Variants in LNX1 observed in about 807,000 individuals in gnomAD.
LNX1 encodes the protein E3 ubiquitin-protein ligase LNX.
LNX1 carries 54 observed loss-of-function variants against 68.4 expected under a neutral mutation model. The observed-to-expected ratio is 0.79, with a 90% CI of 0.63 to 0.99. LNX1 has a LOEUF of 0.99. Among genes scored for constraint, LNX1 ranks in the 50% least tolerant of loss-of-function variants. LNX1 has a pLI of 0.00. For synonymous variants in LNX1, 336 were observed against 350.0 expected (o/e 0.96, Z 0.45); for missense variants, 906 against 926.4 (o/e 0.98, Z 0.29).
At position 53,485,271 on chromosome 4, in the gene LNX1, T is replaced by A. The variant is rs144318358; in HGVS notation, c.1351-3417A>T. On this transcript the variant is annotated intron_variant, in intron 6 of 10. Transcript: ENST00000263925. ...TTTGCTCTCTTTGGGGAAACTCCGA[T>A]GTTTTGAAGGATCCCAGCAGAGTGT... Among the ~76,000 whole-genome samples the A allele has an allele frequency of 1.4e-4, 21 of 152,342 alleles. No individual in the cohort carries two copies. The East Asian group carries it at 4.0e-3, about 29-fold the overall frequency.
chr4:53,502,182 T>A (rs1390747140), intron 4 of LNX1, among the ~76,000 whole-genome samples: 2 of 152,220 alleles, frequency 1.3e-5, no homozygotes, highest in Non-Finnish European at 2.9e-5. Context: ...GCTACTTGAA[T>A]GCATTTTCCA....
In LNX1 at chr4:53,529,102, A is replaced by AACACACACACACACACACACACACAC. The variant is rs201017055; in HGVS notation, c.381-20901_381-20876dup. ...CAATTACAGCTTAAGAGTCCTGACCAACACACACACACACACACACACACA... is the reference window on the plus strand; with the variant it reads ...CAATTACAGCTTAAGAGTCCTGACCAACACACACACACACACACACACACACACACACACACACACACACACACACA... On this transcript the variant is annotated intron_variant, in intron 2 of 10. Coordinates refer to ENST00000263925, the MANE Select transcript of LNX1 (RefSeq NM_001126328.3). 4.2e-3 allele frequency among the ~76,000 whole-genome samples: 579 copies of AACACACACACACACACACACACACAC among 138,328 alleles called. 8 individuals are homozygous for AACACACACACACACACACACACACAC. Among genetic ancestry groups the AACACACACACACACACACACACACAC allele is most frequent in the Non-Finnish European group, 4.9e-3 (311 of 63,758 alleles). The allele number at this position is 138,328 out of a possible 152,430, so 90.7% of individuals were successfully genotyped here. A position where few individuals can be genotyped will look rare whatever the true frequency, so the allele number is the denominator to read the frequency against.
intron 4 of LNX1, among the ~76,000 whole-genome samples, chr4:53,501,289 T>TC (rs1725459070): frequency 2.5e-5 from 1 of 40,730 alleles, no homozygotes; most frequent in African/African-American, 7.6e-5. Flanking sequence ...ATCTTTTTTT[T>TC]TTTTTTTTTT....
chr4:53,515,084 G>T (rs1012641533), intron 2 of LNX1, among the ~76,000 whole-genome samples: 1 of 152,174 alleles, frequency 6.6e-6, no homozygotes, highest in Non-Finnish European at 1.5e-5. Flanking sequence ...TAACTGGTTG[G>T]GGGAGAAAAG....
intron 1 of LNX1, among the ~76,000 whole-genome samples, chr4:53,628,848 C>A (rs1203148979): frequency 6.6e-6 from 1 of 152,090 alleles, no homozygotes; most frequent in Non-Finnish European, 1.5e-5. Context: ...AGCAGGAGGC[C>A]ATTTTTCTAA....
chr4:53,527,894 AC>A (rs1317635994), intron 2 of LNX1, among the ~76,000 whole-genome samples: 2 of 152,246 alleles, frequency 1.3e-5, no homozygotes, highest in Non-Finnish European at 2.9e-5. Flanking sequence ...TAGTTCCATT[AC>A]AAAGGCAAAA....
Position 53,573,929 on chromosome 4 carries a change from T to G in LNX1, c.74A>C (p.Glu25Ala), listed in dbSNP as rs1236467180. Residue 25 changes from glutamate (E) to alanine (A), a missense_variant, in exon 2 of 11, where the codon GAA becomes GCA. Physicochemically the swap from Glu to Ala is moderately radical, Grantham distance 107 (BLOSUM62 -1). Coordinates refer to ENST00000263925, the MANE Select transcript of LNX1 (RefSeq NM_001126328.3). The part of the protein sequence containing the change: ...AVCGQAHSLE[E>A]NHFYSYPEEV... ...CTCTGGATAGCTGTAGAAGTGGTTTTCCTCCAAGGAGTGGGCTTGGCCACA... is the reference window on the plus strand; with the variant it reads ...CTCTGGATAGCTGTAGAAGTGGTTTGCCTCCAAGGAGTGGGCTTGGCCACA... The G allele has an allele frequency of 6.2e-7, 1 of 1,613,742 alleles. No individual in the cohort carries two copies. The highest frequency in any genetic ancestry group is 2.2e-5 in the East Asian group (1 of 44,880).
chr4:53,605,177 C>A (rs1386534826), intron 2 of LNX1, among the ~76,000 whole-genome samples: 1 of 151,992 alleles, frequency 6.6e-6, no homozygotes, highest in African/African-American at 2.4e-5. Flanking sequence ...TGGATGGGGA[C>A]TGGCAAAGTC....
At position 53,575,876 on chromosome 4, in the gene LNX1, T is replaced by C; in HGVS notation, c.-86-1788A>G. 8.8e-6 allele frequency: 14 copies of C among 1,584,860 alleles called. No homozygotes were observed. In the South Asian group the frequency reaches 1.4e-4, roughly 16 times the overall value. ...ATGTTTAGAAAGTTGCTGAAGTTTG[T>C]GGTCAGCAGCCTGCAAGGGGAGGAC... On this transcript the variant is annotated intron_variant, in intron 1 of 10. Coordinates refer to ENST00000263925, the MANE Select transcript of LNX1 (RefSeq NM_001126328.3).
At chr4:53,501,299 TGG>T (rs1553932749) in intron 4 of LNX1, among the ~76,000 whole-genome samples, 2 of 38,790 alleles carry the variant, frequency 5.2e-5, no homozygotes, top group African/African-American at 1.2e-4. Context: ...TTTTTTTTTT[TGG>T]GGGTGGGGGG....
chr4:53,561,784 T>G (rs1730306535), intron 2 of LNX1, among the ~76,000 whole-genome samples: 1 of 152,206 alleles, frequency 6.6e-6, no homozygotes, highest in Non-Finnish European at 1.5e-5. Flanking sequence ...CAATGAACTC[T>G]GTATTCATAC....
intron 1 of LNX1, chr4:53,575,753 C>T: frequency 6.4e-7 from 1 of 1,554,252 alleles, no homozygotes; most frequent in South Asian, 1.3e-5. Flanking sequence ...TTGCATCATC[C>T]TGGTGGTAGT....
At chr4:53,565,696 C>T (rs1315402110) in intron 2 of LNX1, among the ~76,000 whole-genome samples, 1 of 151,500 alleles carries the variant, frequency 6.6e-6, no homozygotes, top group Non-Finnish European at 1.5e-5. Context: ...GATCAAATTA[C>T]TCTGAGCTAC....
rs1466245425 is a variant in LNX1, at chr4:53,460,466, A to AAAAT, written c.*437_*440dup. 1.5e-5 allele frequency: 3 copies of AAAAT among 194,208 alleles called. No individual in the cohort carries two copies. The East Asian group carries it at 2.5e-4, about 16-fold the overall frequency. 12.0% of individuals were successfully genotyped at this position (194,208 alleles called of 1,614,324 possible). A position where few individuals can be genotyped will look rare whatever the true frequency, so the allele number is the denominator to read the frequency against. On this transcript the variant is annotated 3_prime_UTR_variant, in exon 11 of 11. Transcript: ENST00000263925. ...ACTAAAAGACAACTATAACTTCTGA[A>AAAAT]AAATATTTATTCTTGTTTGATGAAA...
intron 4 of LNX1, among the ~76,000 whole-genome samples, chr4:53,503,954 C>T (rs1175590501): frequency 3.9e-5 from 6 of 152,040 alleles, no homozygotes; most frequent in East Asian, 3.9e-4. Context: ...GCCAACATGG[C>T]GAAACCCTGT....
At chr4:53,481,215 C>A (rs1449640947) in intron 7 of LNX1, among the ~76,000 whole-genome samples, 3 of 152,212 alleles carry the variant, frequency 2.0e-5, no homozygotes, top group Non-Finnish European at 4.4e-5. Flanking sequence ...CATGTGCTCT[C>A]TGGTTTGCCC....
chr4:53,585,667 G>A (rs1732125426), intron 1 of LNX1, among the ~76,000 whole-genome samples: 1 of 152,098 alleles, frequency 6.6e-6, no homozygotes, highest in South Asian at 2.1e-4. Flanking sequence ...TGAGGAGAGA[G>A]GCAGAGATTG....
At chr4:53,546,067 A>G (rs1339648391) in intron 2 of LNX1, among the ~76,000 whole-genome samples, 1 of 152,114 alleles carries the variant, frequency 6.6e-6, no homozygotes, top group Non-Finnish European at 1.5e-5. Flanking sequence ...TCAGCCTCCC[A>G]AAGTACTGAG....
chr4:53,578,269 G>A (rs1313473098), intron 1 of LNX1, among the ~76,000 whole-genome samples: 5 of 152,156 alleles, frequency 3.3e-5, no homozygotes. Flanking sequence ...TAATGATGGG[G>A]ATATGTTCTG....
Sources: allele counts gnomAD v4.1 joint callset (sites outside exome capture counted in the v4.1 genomes callset), GRCh38; gene constraint gnomAD v4.1.1; transcripts MANE v1.5; gene names NCBI Gene and HGNC (gene_info 2026-07-23, HGNC 2026-07-21).